Variants in NCAM2 observed in about 807,000 individuals in gnomAD.
NCAM2 encodes the protein N-CAM-2.
Under a neutral mutation model 98.1 loss-of-function variants are expected in NCAM2, and 30 were observed. The ratio of observed to expected loss-of-function variants is 0.31; its 90% CI spans 0.23 to 0.41. The LOEUF (loss-of-function observed/expected upper bound fraction) is 0.41, where lower values mean the gene tolerates loss of function less well. Among genes scored for constraint, NCAM2 ranks in the 10% least tolerant of loss-of-function variants. The pLI, the probability that NCAM2 is intolerant of heterozygous loss-of-function variation, is 1.00. For missense variants in NCAM2, 867 were observed against 1,005.8 expected, an observed-to-expected ratio of 0.86 and a Z score of 1.87; for synonymous variants, 368 against 342.4, an observed-to-expected ratio of 1.07 and a Z score of -0.83.
chr21:21,146,427 G>A (rs1230711246), intron 1 of NCAM2, among the ~76,000 whole-genome samples: 1 of 151,098 alleles, frequency 6.6e-6, no homozygotes, highest in Admixed American at 6.6e-5. Flanking sequence ...AATCTATAGG[G>A]ACTGAAATTA....
intron 1 of NCAM2, among the ~76,000 whole-genome samples, chr21:21,103,401 C>A (rs369937962): frequency 6.6e-6 from 1 of 151,984 alleles, no homozygotes; most frequent in East Asian, 1.9e-4. Context: ...TGAAAAAATA[C>A]AAATCCAGAA....
In NCAM2 at chr21:21,410,290, A is replaced by G; in HGVS notation, c.1212A>G (p.Ile404Met). 6.4e-7 allele frequency: 1 copy of G among 1,559,970 alleles called. No homozygotes were observed. Among genetic ancestry groups the G allele is most frequent in the Non-Finnish European group, 8.7e-7 (1 of 1,153,174 alleles). ...YLDIEYAPKF[I>M]SNQTIYYSWE... ...GTATTACAGATGCCCCCAAGTTTAT[A>G]TCAAACCAAACAATTTATTACTCTT... Residue 404 changes from isoleucine (I) to methionine (M), a missense_variant, in exon 10 of 18, where the codon ATA becomes ATG. By Grantham distance (10) the Ile-to-Met change is conservative. This residue lies in a region of NCAM2 where 447 missense variants were observed against 495.7 expected (regional missense o/e 0.90). Coordinates refer to ENST00000400546, the MANE Select transcript of NCAM2 (RefSeq NM_004540.5).
chr21:21,181,372 C>T (rs1486432347), intron 1 of NCAM2, among the ~76,000 whole-genome samples: 3 of 152,068 alleles, frequency 2.0e-5, no homozygotes, highest in Non-Finnish European at 4.4e-5. Flanking sequence ...TTTTATACAA[C>T]TGAAAACCTA....
intron 8 of NCAM2, among the ~76,000 whole-genome samples, chr21:21,345,975 A>AAAG (rs1326003693): frequency 5.9e-5 from 9 of 152,150 alleles, no homozygotes; most frequent in African/African-American, 1.2e-4. Flanking sequence ...GGAAGGATAG[A>AAAG]AAGAAGGAAG....
At chr21:21,056,043 T>A (rs1303193814) in intron 1 of NCAM2, among the ~76,000 whole-genome samples, 1 of 151,956 alleles carries the variant, frequency 6.6e-6, no homozygotes, top group Admixed American at 6.6e-5. Flanking sequence ...AACTGTTCTC[T>A]CTCTAGGTAA....
chr21:21,095,704 T>G (rs1443288329), intron 1 of NCAM2, among the ~76,000 whole-genome samples: 1 of 151,786 alleles, frequency 6.6e-6, no homozygotes, highest in East Asian at 1.9e-4. Flanking sequence ...GTGAATATAA[T>G]AAAAACAGTA....
chr21:21,326,972 G>C, intron 6 of NCAM2, among the ~76,000 whole-genome samples: 1 of 152,162 alleles, frequency 6.6e-6, no homozygotes, highest in East Asian at 1.9e-4. Context: ...CTGTTTCATA[G>C]AGATAATATT....
At chr21:21,314,999 A>T (rs965413388) in intron 5 of NCAM2, among the ~76,000 whole-genome samples, 3 of 152,196 alleles carry the variant, frequency 2.0e-5, no homozygotes, top group African/African-American at 7.2e-5. Flanking sequence ...ACAATAGATT[A>T]TCTTTAGGAC....
At chr21:21,532,841 C>T (rs932080371) in intron 16 of NCAM2, among the ~76,000 whole-genome samples, 2 of 152,116 alleles carry the variant, frequency 1.3e-5, no homozygotes, top group African/African-American at 2.4e-5. Context: ...TCCATCTTTA[C>T]TTACTCTGTA....
At position 21,466,643 on chromosome 21, in the gene NCAM2, T is replaced by A; in HGVS notation, c.1692T>A (p.Thr564=). Residue 564 remains threonine (T), a synonymous_variant, in exon 13 of 18, where the codon ACT becomes ACA. Transcript: ENST00000400546. ...TGAACAACCTGGAACCAAATACAAC[T>A]TATGAAATCAGGGTTGCAGCTGTAA... The part of the protein sequence containing the change: ...VVLNNLEPNT[T]YEIRVAAVNG... The A allele has an allele frequency of 6.2e-7, 1 of 1,608,740 alleles. No homozygotes were observed. Among genetic ancestry groups the A allele is most frequent in the South Asian group, 1.1e-5 (1 of 90,652 alleles).
intron 11 of NCAM2, among the ~76,000 whole-genome samples, chr21:21,431,137 G>A (rs1019911299): frequency 1.6e-4 from 24 of 150,244 alleles, no homozygotes; most frequent in African/African-American, 5.9e-4. Context: ...GTGTGTGTGT[G>A]TGTGTGTGTA....
chr21:21,358,196 T>C (rs570379547), intron 8 of NCAM2, among the ~76,000 whole-genome samples: 4 of 152,238 alleles, frequency 2.6e-5, no homozygotes, highest in Admixed American at 2.6e-4. Context: ...TGATATTCTG[T>C]CTTGTTTAGG....
At chr21:21,508,729 A>T in intron 15 of NCAM2, 122 bp from the exon 16 acceptor site, 1 of 783,384 alleles carries the variant, frequency 1.3e-6, no homozygotes, top group South Asian at 2.6e-5. Context: ...TCTGTCTCTT[A>T]AATTGAATTA....
chr21:21,265,882 A>C lies in NCAM2; in HGVS notation c.56-14696A>C, dbSNP rs2072249902. On this transcript the variant is annotated intron_variant, in intron 1 of 17. Coordinates refer to ENST00000400546, the MANE Select transcript of NCAM2 (RefSeq NM_004540.5). Reference sequence around the variant, plus strand: ...TCAACTACTCATGTAACAAACCTGCACATGTACCCCTGAATCTATAATAAA... The same window carrying C: ...TCAACTACTCATGTAACAAACCTGCCCATGTACCCCTGAATCTATAATAAA... Among the ~76,000 whole-genome samples, 3 of 152,096 alleles carry C rather than the reference A, an allele frequency of 2.0e-5. No homozygotes were observed. In the South Asian group the frequency reaches 6.2e-4, roughly 32 times the overall value.
intron 1 of NCAM2, among the ~76,000 whole-genome samples, chr21:21,039,834 T>A (rs1000038440): frequency 6.6e-6 from 1 of 152,192 alleles, no homozygotes; most frequent in Admixed American, 6.5e-5. Context: ...TGTTGATACC[T>A]AATCCTCAGT....
At chr21:21,097,002 C>G (rs2066137859) in intron 1 of NCAM2, among the ~76,000 whole-genome samples, 1 of 151,704 alleles carries the variant, frequency 6.6e-6, no homozygotes, top group Non-Finnish European at 1.5e-5. Flanking sequence ...ACTCCATTTA[C>G]CTTTGATTTC....
intron 6 of NCAM2, among the ~76,000 whole-genome samples, chr21:21,332,012 C>T (rs2074723818): frequency 1.3e-5 from 2 of 152,136 alleles, no homozygotes; most frequent in East Asian, 1.9e-4. Context: ...AAGTGATTCT[C>T]TTGCTTCAAC....
At chr21:21,459,096 G>T (rs775598967) in intron 12 of NCAM2, among the ~76,000 whole-genome samples, 1 of 151,942 alleles carries the variant, frequency 6.6e-6, no homozygotes, top group Non-Finnish European at 1.5e-5. Flanking sequence ...TATATGAAAC[G>T]GTGCTCAGTA....
chr21:21,503,353 T>A (rs1327232956), intron 15 of NCAM2, among the ~76,000 whole-genome samples: 1 of 151,878 alleles, frequency 6.6e-6, no homozygotes, highest in African/African-American at 2.4e-5. Context: ...ATAAGGGTTA[T>A]TGAACATGAA....
Sources: allele counts gnomAD v4.1 joint callset (sites outside exome capture counted in the v4.1 genomes callset), GRCh38; gene constraint gnomAD v4.1.1; regional missense constraint gnomAD v4.1.1; transcripts MANE v1.5; gene names NCBI Gene and HGNC (gene_info 2026-07-23, HGNC 2026-07-21).